The following PSD3 variants were observed in gnomAD, a reference collection of about 807,000 sequenced individuals.
The protein encoded by PSD3 is PH and SEC7 domain-containing protein 3.
A neutral mutation model predicts 105.5 loss-of-function variants in PSD3; 49 were observed. The observed-to-expected ratio is 0.46, with a 90% confidence interval of 0.37 to 0.59. PSD3 has a LOEUF of 0.59. PSD3 is among the 20% of genes least tolerant of loss of function. The pLI is 0.00. For synonymous variants in PSD3, 557 were observed against 457.8 expected, an observed-to-expected ratio of 1.22 and a Z score of -2.77; for missense variants, 1,561 against 1,263.8, an observed-to-expected ratio of 1.24 and a Z score of -3.57.
chr8:18,967,871 T>C (rs1039777098), intron 1 of PSD3, among the ~76,000 whole-genome samples: 1 of 152,234 alleles, frequency 6.6e-6, no homozygotes, highest in African/African-American at 2.4e-5. Flanking sequence ...TTTTTCCAAG[T>C]GCTCAGAATT....
intron 12 of PSD3, among the ~76,000 whole-genome samples, chr8:18,583,980 C>A (rs1330436401): frequency 6.6e-6 from 1 of 152,084 alleles, no homozygotes; most frequent in African/African-American, 2.4e-5. Context: ...AGTTTACTAG[C>A]CAAAGTTCAG....
At chr8:18,573,075 T>C (rs1272159089) in intron 13 of PSD3, among the ~76,000 whole-genome samples, 1 of 152,244 alleles carries the variant, frequency 6.6e-6, no homozygotes, top group Non-Finnish European at 1.5e-5. Context: ...AAAGGATTTA[T>C]CTACTTTGGA....
chr8:18,702,725 G>T (rs1013121395), intron 9 of PSD3, among the ~76,000 whole-genome samples: 1 of 151,712 alleles, frequency 6.6e-6, no homozygotes, highest in African/African-American at 2.4e-5. Flanking sequence ...CCATTTTCCT[G>T]CCTCAGCCTC....
intron 2 of PSD3, among the ~76,000 whole-genome samples, chr8:18,880,985 G>T (rs890246313): frequency 2.0e-5 from 3 of 152,134 alleles, no homozygotes; most frequent in Admixed American, 2.0e-4. Flanking sequence ...GGAGGGAAGA[G>T]AGAAGAGTTT....
At chr8:18,573,085 A>C (rs1244784218) in intron 13 of PSD3, among the ~76,000 whole-genome samples, 3 of 152,222 alleles carry the variant, frequency 2.0e-5, no homozygotes, top group African/African-American at 7.2e-5. Context: ...TCTACTTTGG[A>C]AAACAGCTGA....
intron 9 of PSD3, among the ~76,000 whole-genome samples, chr8:18,688,147 TA>T (rs1800768424): frequency 6.6e-6 from 1 of 152,134 alleles, no homozygotes; most frequent in Non-Finnish European, 1.5e-5. Context: ...GATGCCATAA[TA>T]GCTCACTGCA....
chr8:18,665,016 C>G (rs1345122838), intron 9 of PSD3, among the ~76,000 whole-genome samples: 1 of 152,188 alleles, frequency 6.6e-6, no homozygotes, highest in Admixed American at 6.5e-5. Flanking sequence ...CCTCGTCACC[C>G]AAGAACTCTG....
chr8:18,643,912 G>C (rs1055300146), intron 10 of PSD3, among the ~76,000 whole-genome samples: 5 of 152,232 alleles, frequency 3.3e-5, no homozygotes, highest in African/African-American at 1.2e-4. Context: ...GTATTTCCTA[G>C]AACAGTGGGC....
intron 1 of PSD3, among the ~76,000 whole-genome samples, chr8:19,031,667 C>T (rs546858033): frequency 1.3e-5 from 2 of 152,242 alleles, no homozygotes; most frequent in Non-Finnish European, 2.9e-5. Context: ...CCATTAACAA[C>T]AACTATATTT....
At chr8:18,958,784 C>A (rs1358366309) in intron 1 of PSD3, among the ~76,000 whole-genome samples, 1 of 152,082 alleles carries the variant, frequency 6.6e-6, no homozygotes, top group Non-Finnish European at 1.5e-5. Context: ...CCTTAGCAAA[C>A]TAGGTATACA....
At chr8:18,728,096 G>A (rs1254375833) in intron 9 of PSD3, among the ~76,000 whole-genome samples, 1 of 151,992 alleles carries the variant, frequency 6.6e-6, no homozygotes, top group Admixed American at 6.6e-5. Context: ...AAGTAGAAGA[G>A]AGAGTGTTAA....
At chr8:18,664,777 G>C (rs11203979) in intron 9 of PSD3, among the ~76,000 whole-genome samples, 12,301 of 152,224 alleles carry the variant, frequency 0.081, 869 homozygotes, top group African/African-American at 0.18. Context: ...CTTCTTAGGG[G>C]CAATGGGGCA....
At chr8:18,661,088 G>A (rs932347518) in intron 9 of PSD3, among the ~76,000 whole-genome samples, 8 of 152,080 alleles carry the variant, frequency 5.3e-5, no homozygotes, top group African/African-American at 1.9e-4. Flanking sequence ...TTGTGTAACC[G>A]TGAGTCTCTC....
At chr8:19,067,277 G>T (rs188630605) in intron 1 of PSD3, among the ~76,000 whole-genome samples, 1 of 152,142 alleles carries the variant, frequency 6.6e-6, no homozygotes, top group East Asian at 1.9e-4. Context: ...GCCCTCTTGC[G>T]TGGTACAGTA....
chr8:18,881,974 G>C (rs1481010353), intron 2 of PSD3, among the ~76,000 whole-genome samples: 1 of 152,120 alleles, frequency 6.6e-6, no homozygotes, highest in Non-Finnish European at 1.5e-5. Flanking sequence ...TTGGGAGCTT[G>C]AGGCAGGAGG....
chr8:18,748,602 G>A (rs1805216257), intron 9 of PSD3, among the ~76,000 whole-genome samples: 2 of 149,890 alleles, frequency 1.3e-5, no homozygotes, highest in South Asian at 2.1e-4. Flanking sequence ...AGAGCTTGCA[G>A]TGAGCTGAGA....
Position 18,900,773 on chromosome 8 carries a change from G to A in PSD3, c.131-28040C>T, listed in dbSNP as rs142562125. On this transcript the variant is annotated intron_variant, in intron 2 of 15. Transcript: ENST00000327040. ...TGACACCTCAGCCTCCCAAGTAGCT[G>A]AGACTACAGGTGTGCACCAACATGG... is the stretch of plus-strand genomic sequence containing the variant. Among the ~76,000 whole-genome samples, 230 of 150,500 alleles carry A rather than the reference G, an allele frequency of 1.5e-3. 4 individuals are homozygous for A. Among genetic ancestry groups the A allele is most frequent in the African/African-American group, 5.3e-3 (217 of 40,872 alleles).
At chr8:18,909,684 A>C (rs993681056) in intron 2 of PSD3, among the ~76,000 whole-genome samples, 2 of 151,996 alleles carry the variant, frequency 1.3e-5, no homozygotes, top group Admixed American at 6.6e-5. Context: ...GAGTTTCACC[A>C]TGTTGGCCAG....
chr8:18,670,238 G>A (rs140305181), intron 9 of PSD3, among the ~76,000 whole-genome samples: 1 of 152,162 alleles, frequency 6.6e-6, no homozygotes, highest in Non-Finnish European at 1.5e-5. Flanking sequence ...GAACCGGGTG[G>A]GTCTGAGAAA....
Sources: gnomAD v4.1 joint callset for allele counts (sites outside exome capture counted in the v4.1 genomes callset) on GRCh38, gnomAD v4.1.1 for gene constraint, MANE v1.5 for transcripts, NCBI Gene and HGNC (gene_info 2026-07-23, HGNC 2026-07-21) for gene names.